The following DCDC2C variants were observed in gnomAD, a reference collection of about 807,000 sequenced individuals.
DCDC2C encodes the protein doublecortin domain containing 2C.
DCDC2C carries 44 observed loss-of-function variants against 45.0 expected under a neutral mutation model. That is an observed-to-expected ratio of 0.98 (90% CI 0.77 to 1.26). The LOEUF (loss-of-function observed/expected upper bound fraction) is 1.26, where lower values mean the gene tolerates loss of function less well. DCDC2C is among the 50% of genes most tolerant of loss of function. The pLI, the probability that DCDC2C is intolerant of heterozygous loss-of-function variation, is 0.00. For synonymous variants in DCDC2C, 187 were observed against 178.8 expected (o/e 1.05, Z -0.37); for missense variants, 447 against 468.9 (o/e 0.95, Z 0.43).
intron 10 of DCDC2C, among the ~76,000 whole-genome samples, chr2:3,829,264 G>C (rs2148232525): frequency 6.7e-6 from 1 of 150,350 alleles, no homozygotes; most frequent in Non-Finnish European, 1.5e-5. Context: ...ATTCCGTAAG[G>C]CTTCATTAGA....
intron 10 of DCDC2C, chr2:3,788,335 A>C (rs1670707884): frequency 6.6e-6 from 1 of 152,182 alleles, no homozygotes; most frequent in Non-Finnish European, 1.5e-5. Flanking sequence ...CTGAAATATA[A>C]CACCCACAAA....
At position 3,780,433 on chromosome 2, in the gene DCDC2C, C is replaced by T. The variant is rs193283799; in HGVS notation, c.1023+1549C>T. Among the ~76,000 whole-genome samples, 55 of 152,234 alleles carry T rather than the reference C, an allele frequency of 3.6e-4. No individual in the cohort carries two copies. In the South Asian group the frequency reaches 5.0e-3, roughly 14 times the overall value. On this transcript the variant is annotated intron_variant, in intron 9 of 10. Coordinates refer to ENST00000399143, the MANE Select transcript of DCDC2C (RefSeq NM_001287444.2). ...ACTCAGGCTGCTGGGGGGATCCATGCGTATTAGTGACTTGATAACAGCCAG... is the reference window on the plus strand; with the variant it reads ...ACTCAGGCTGCTGGGGGGATCCATGTGTATTAGTGACTTGATAACAGCCAG...
At chr2:3,824,021 G>A (rs957381189) in intron 10 of DCDC2C, among the ~76,000 whole-genome samples, 2 of 152,216 alleles carry the variant, frequency 1.3e-5, no homozygotes, top group Non-Finnish European at 2.9e-5. Flanking sequence ...GCATGTTCCA[G>A]TGAAATATTT....
At chr2:3,829,141 C>T (rs1366938265) in intron 10 of DCDC2C, among the ~76,000 whole-genome samples, 1 of 152,154 alleles carries the variant, frequency 6.6e-6, no homozygotes, top group Non-Finnish European at 1.5e-5. Context: ...CTTTAGAAAC[C>T]TCCTTCTTTT....
intron 10 of DCDC2C, among the ~76,000 whole-genome samples, chr2:3,806,814 T>C (rs938912825): frequency 1.3e-5 from 2 of 152,138 alleles, no homozygotes; most frequent in African/African-American, 4.8e-5. Context: ...TGCAAAGTGC[T>C]GGGATTATAG....
At chr2:3,808,475 T>C (rs1047174146) in intron 10 of DCDC2C, among the ~76,000 whole-genome samples, 1 of 152,124 alleles carries the variant, frequency 6.6e-6, no homozygotes, top group Non-Finnish European at 1.5e-5. Context: ...CACTGCAACC[T>C]CTGCCTCCCA....
chr2:3,772,315 C>T (rs1302521359), intron 8 of DCDC2C, among the ~76,000 whole-genome samples: 1 of 152,212 alleles, frequency 6.6e-6, no homozygotes, highest in African/African-American at 2.4e-5. Context: ...TGTTACTAAA[C>T]TCCCATTGTC....
At chr2:3,750,055 C>T (rs542560753) in intron 4 of DCDC2C, among the ~76,000 whole-genome samples, 34 of 151,846 alleles carry the variant, frequency 2.2e-4, no homozygotes, top group African/African-American at 7.3e-4. Context: ...TGCCTGTTCC[C>T]GGCTCCATCA....
intron 8 of DCDC2C, among the ~76,000 whole-genome samples, chr2:3,772,398 G>T (rs879340714): frequency 6.6e-6 from 1 of 152,208 alleles, no homozygotes; most frequent in African/African-American, 2.4e-5. Context: ...TTTACGATTT[G>T]TGATGATAAA....
intron 2 of DCDC2C, among the ~76,000 whole-genome samples, chr2:3,721,816 G>T (rs1668513173): frequency 1.3e-5 from 2 of 152,260 alleles, no homozygotes; most frequent in South Asian, 4.1e-4. Context: ...AATGGGAGTT[G>T]CCCTGCACAA....
intron 3 of DCDC2C, among the ~76,000 whole-genome samples, chr2:3,738,062 A>G (rs1427629045): frequency 6.6e-6 from 1 of 152,170 alleles, no homozygotes; most frequent in Non-Finnish European, 1.5e-5. Context: ...AAGTCTCCCA[A>G]ATTAAAAATT....
At chr2:3,832,510 C>T (rs577671905) in intron 10 of DCDC2C, among the ~76,000 whole-genome samples, 19 of 152,258 alleles carry the variant, frequency 1.2e-4, no homozygotes, top group East Asian at 7.7e-4. Flanking sequence ...GAACTAAAGC[C>T]GCTCGAGGCC....
intron 1 of DCDC2C, among the ~76,000 whole-genome samples, chr2:3,707,011 T>C (rs1341932924): frequency 6.6e-6 from 1 of 152,140 alleles, no homozygotes; most frequent in Non-Finnish European, 1.5e-5. Context: ...TCATGGGTGG[T>C]TTCTTCCCTT....
At position 3,752,875 on chromosome 2, in the gene DCDC2C, C is replaced by T; in HGVS notation, c.658C>T (p.Pro220Ser). Residue 220 changes from proline to serine, a missense_variant, in exon 5 of 11, where the codon CCA becomes TCA. Transcript: ENST00000399143. ...CAAATATTTTCCTTACTGGAAGTCT[C>T]CAAGGGTGCCCAGTGAGGTCCAACA... ...TFKYFPYWKS[P>S]RVPSEVQQRY... 1.3e-6 allele frequency: 2 copies of T among 1,550,540 alleles called. No individual in the cohort carries two copies. The highest frequency in any genetic ancestry group is 2.7e-5 in the African/African-American group (2 of 73,168).
chr2:3,834,012 T>A (rs931273447), intron 10 of DCDC2C, among the ~76,000 whole-genome samples: 2 of 152,202 alleles, frequency 1.3e-5, no homozygotes, highest in African/African-American at 4.8e-5. Context: ...TTTAAAATAG[T>A]CTTTATGTTT....
chr2:3,797,321 C>T (rs1270482234), intron 10 of DCDC2C, among the ~76,000 whole-genome samples: 2 of 143,894 alleles, frequency 1.4e-5, no homozygotes, highest in South Asian at 2.2e-4. Context: ...AAAAAACCAG[C>T]CCCTGGATTC....
chr2:3,749,137 A>C (rs945912931), intron 4 of DCDC2C, among the ~76,000 whole-genome samples: 8 of 152,250 alleles, frequency 5.3e-5, no homozygotes, highest in Non-Finnish European at 1.2e-4. Flanking sequence ...AGATATTTAC[A>C]TTTTCTACTA....
At chr2:3,723,066 T>C (rs1227947848) in intron 2 of DCDC2C, among the ~76,000 whole-genome samples, 1 of 152,196 alleles carries the variant, frequency 6.6e-6, no homozygotes, top group Non-Finnish European at 1.5e-5. Context: ...CCATGGCCTC[T>C]CTTTTCCTGG....
intron 7 of DCDC2C, 62 bp downstream of exon 7, chr2:3,767,942 A>T (rs1431243340): frequency 8.9e-7 from 1 of 1,125,600 alleles, no homozygotes; most frequent in South Asian, 2.4e-5. Flanking sequence ...AGAACATGGG[A>T]TTTTTTTTTT....
Sources: allele counts gnomAD v4.1 joint callset (sites outside exome capture counted in the v4.1 genomes callset), GRCh38; gene constraint gnomAD v4.1.1; transcripts MANE v1.5; gene names NCBI Gene and HGNC (gene_info 2026-07-23, HGNC 2026-07-21).